Variants in BANK1 observed in about 807,000 individuals in gnomAD.
BANK1 encodes B cell scaffold protein with ankyrin repeats 1, also known as B-cell scaffold protein with ankyrin repeats.
BANK1 carries 95 observed loss-of-function variants against 94.5 expected under a neutral mutation model. That is an observed-to-expected ratio of 1.00 (90% CI 0.85 to 1.19). BANK1 has a LOEUF of 1.19. Among genes scored for constraint, BANK1 ranks in the 50% most tolerant of loss-of-function variants. The pLI is 0.00. For synonymous variants in BANK1, 334 were observed against 308.4 expected (o/e 1.08, Z -0.87); for missense variants, 987 against 932.2 (o/e 1.06, Z -0.77).
At chr4:102,016,567 C>T (rs890294986) in intron 7 of BANK1, among the ~76,000 whole-genome samples, 3 of 152,168 alleles carry the variant, frequency 2.0e-5, no homozygotes, top group Non-Finnish European at 4.4e-5. Flanking sequence ...CTTCATCAAT[C>T]CAGTATGAAT....
intron 7 of BANK1, among the ~76,000 whole-genome samples, chr4:101,928,796 G>T (rs1239420738): frequency 1.3e-5 from 2 of 151,642 alleles, no homozygotes; most frequent in African/African-American, 4.8e-5. Flanking sequence ...AACTACAATA[G>T]CATTGTGGGA....
chr4:102,007,084 ATATATATAATATAT>A (rs1726297541), intron 7 of BANK1, among the ~76,000 whole-genome samples: 1 of 102,366 alleles, frequency 9.8e-6, no homozygotes, highest in Non-Finnish European at 2.0e-5. Flanking sequence ...ATATATAAAT[ATATATATAATATAT>A]TTATATATAT....
intron 5 of BANK1, among the ~76,000 whole-genome samples, chr4:101,892,882 A>G (rs1164861076): frequency 6.6e-6 from 1 of 151,858 alleles, no homozygotes; most frequent in Admixed American, 6.6e-5. Context: ...GAGCATAACT[A>G]CTCCAGTCAG....
At chr4:102,003,558 A>G (rs528425898) in intron 7 of BANK1, among the ~76,000 whole-genome samples, 1 of 152,294 alleles carries the variant, frequency 6.6e-6, no homozygotes, top group Non-Finnish European at 1.5e-5. Flanking sequence ...GTGAACATTC[A>G]GAGAGAGGGA....
At chr4:101,873,091 T>G (rs1728356441) in intron 5 of BANK1, among the ~76,000 whole-genome samples, 1 of 149,788 alleles carries the variant, frequency 6.7e-6, no homozygotes, top group South Asian at 2.1e-4. Flanking sequence ...TTTCAGTAAT[T>G]GTTTCTTTCA....
rs144338977 is a variant in BANK1, at chr4:101,829,888, G to A, written c.151G>A (p.Val51Ile). 2.2e-4 allele frequency: 347 copies of A among 1,612,808 alleles called. No individual in the cohort carries two copies. In the African/African-American group the frequency reaches 4.1e-3, roughly 19 times the overall value. ...GTACTTGACAGAAGTATTTTTACAT[G>A]TTGTGAAAAGGGAAGCCATCCTGTT... ...ALYLTEVFLHVVKREAILLYR... is the reference protein window; with the variant it reads ...ALYLTEVFLHIVKREAILLYR... The change falls in exon 2 of 17, where the codon GTT (valine) becomes ATT (isoleucine). Residue 51 changes from valine (V) to isoleucine (I), a missense_variant. Physicochemically the swap from Val to Ile is conservative, Grantham distance 29. Coordinates refer to ENST00000322953, the MANE Select transcript of BANK1 (RefSeq NM_017935.5).
chr4:102,006,339 G>A (rs1423431539), intron 7 of BANK1, among the ~76,000 whole-genome samples: 1 of 152,010 alleles, frequency 6.6e-6, no homozygotes, highest in Non-Finnish European at 1.5e-5. Flanking sequence ...ATAAATGCCA[G>A]TGACTGGGTC....
rs1445951052 is a variant in BANK1 at position 101,940,282 on chromosome 4, T to A, written c.1206+22093T>A. On this transcript the variant is annotated intron_variant, in intron 7 of 16. Coordinates refer to ENST00000322953, the MANE Select transcript of BANK1 (RefSeq NM_017935.5). ...AAAACAGATTCGAAAGTCATTAAGT[T>A]TTTTAAAAATCAACTTAGTATTTTA... Among the ~76,000 whole-genome samples the A allele has an allele frequency of 5.9e-5, 9 of 151,846 alleles. No individual in the cohort carries two copies. In the East Asian group the frequency reaches 1.8e-3, roughly 30 times the overall value.
At chr4:101,897,163 T>A (rs1259966450) in intron 6 of BANK1, among the ~76,000 whole-genome samples, 3 of 151,938 alleles carry the variant, frequency 2.0e-5, no homozygotes, top group Non-Finnish European at 2.9e-5. Flanking sequence ...ATACTAGTCA[T>A]AACCTTCATT....
intron 5 of BANK1, among the ~76,000 whole-genome samples, chr4:101,893,933 T>G (rs1372472439): frequency 6.6e-6 from 1 of 152,064 alleles, no homozygotes; most frequent in East Asian, 1.9e-4. Context: ...CTTTTTCTTA[T>G]GGAAGTACCT....
At chr4:101,813,792 G>A (rs1725801793) in intron 1 of BANK1, 1 of 873,944 alleles carries the variant, frequency 1.1e-6, no homozygotes, top group African/African-American at 1.8e-5. Context: ...GCGGGTGGTA[G>A]GAGACACACT....
At chr4:101,937,154 A>G (rs374573755) in intron 7 of BANK1, among the ~76,000 whole-genome samples, 8 of 151,858 alleles carry the variant, frequency 5.3e-5, no homozygotes, top group East Asian at 1.9e-4. Flanking sequence ...TTGCAACACC[A>G]TAGACAGAAC....
intron 3 of BANK1, among the ~76,000 whole-genome samples, chr4:101,859,866 A>G (rs1727804624): frequency 6.6e-6 from 1 of 152,228 alleles, no homozygotes; most frequent in African/African-American, 2.4e-5. Flanking sequence ...ACATCTAGCT[A>G]GAAAGGCAAG....
At position 101,829,997 on chromosome 4, in the gene BANK1, A is replaced by G. The variant is rs573753024; in HGVS notation, c.260A>G (p.Asn87Ser). The change falls in exon 2 of 17, where the codon AAT becomes AGT. Residue 87 changes from asparagine (N) to serine (S), a missense_variant. By Grantham distance (46) the Asn-to-Ser change is conservative. Transcript: ENST00000322953. ...SYKCKLLILS[N>S]SLLRDLTPKK... Reference sequence around the variant, plus strand: ...AAATGTAAACTTTTGATATTATCAAATAGCCTGCTTAGAGACCTAACTCCA... The same window carrying G: ...AAATGTAAACTTTTGATATTATCAAGTAGCCTGCTTAGAGACCTAACTCCA... 6.2e-7 allele frequency: 1 copy of G among 1,613,334 alleles called. No homozygotes were observed. The highest frequency in any genetic ancestry group is 2.2e-5 in the East Asian group (1 of 44,808).
chr4:102,067,211 C>G (rs571408264), intron 13 of BANK1, among the ~76,000 whole-genome samples: 2 of 151,742 alleles, frequency 1.3e-5, no homozygotes, highest in Non-Finnish European at 2.9e-5. Context: ...CTATTTGATT[C>G]GCCAAAAATA....
intron 13 of BANK1, among the ~76,000 whole-genome samples, chr4:102,066,417 C>T (rs1301468946): frequency 6.6e-6 from 1 of 152,146 alleles, no homozygotes; most frequent in East Asian, 1.9e-4. Context: ...CCACTACGCC[C>T]GGCTAATTTT....
chr4:102,069,008 T>C (rs113180916), intron 13 of BANK1, among the ~76,000 whole-genome samples: 1,833 of 152,296 alleles, frequency 0.012, 17 homozygotes, highest in Non-Finnish European at 0.018. Context: ...TAGAACTTTG[T>C]TAATATTTTA....
rs190912724 is a variant in BANK1 at position 101,869,011 on chromosome 4, A to G, written c.764-1494A>G. 3.9e-5 allele frequency among the ~76,000 whole-genome samples: 6 copies of G among 151,984 alleles called. No individual in the cohort carries two copies. In the East Asian group the frequency reaches 1.2e-3, roughly 29 times the overall value. On this transcript the variant is annotated intron_variant, in intron 4 of 16. Coordinates refer to ENST00000322953, the MANE Select transcript of BANK1 (RefSeq NM_017935.5). ...AAAATTTTGAGTTAACTAAGGATTC[A>G]ATATATAAGAAATAAATCAGTTCAG...
intron 7 of BANK1, among the ~76,000 whole-genome samples, chr4:101,943,714 G>C (rs1723828125): frequency 6.6e-6 from 1 of 151,834 alleles, no homozygotes; most frequent in South Asian, 2.1e-4. Flanking sequence ...GAGATAGTGG[G>C]AATGGAAGGG....
Sources: gnomAD v4.1 joint callset for allele counts (sites outside exome capture counted in the v4.1 genomes callset) on GRCh38, gnomAD v4.1.1 for gene constraint, MANE v1.5 for transcripts, NCBI Gene and HGNC (gene_info 2026-07-23, HGNC 2026-07-21) for gene names.